The following MTUS2 variants were observed in gnomAD, a reference collection of about 807,000 sequenced individuals.
The protein encoded by MTUS2 is microtubule-associated tumor suppressor candidate 2.
A neutral mutation model predicts 114.1 loss-of-function variants in MTUS2; 40 were observed. That is an observed-to-expected ratio of 0.35 (90% CI 0.27 to 0.46). MTUS2 has a LOEUF of 0.46. MTUS2 is among the 20% of genes least tolerant of loss of function. MTUS2 has a pLI of 1.00. For synonymous variants in MTUS2, 688 were observed against 672.0 expected (o/e 1.02, Z -0.37); for missense variants, 1,679 against 1,705.4 (o/e 0.98, Z 0.27).
At chr13:28,998,815 A>C (rs1885243929) in intron 2 of MTUS2, among the ~76,000 whole-genome samples, 1 of 151,968 alleles carries the variant, frequency 6.6e-6, no homozygotes, top group African/African-American at 2.4e-5. Context: ...AAAGTTTTTA[A>C]CTTCTTTGCC....
chr13:29,421,041 T>C (rs906519542), intron 8 of MTUS2, among the ~76,000 whole-genome samples: 1 of 152,220 alleles, frequency 6.6e-6, no homozygotes, highest in Admixed American at 6.5e-5. Flanking sequence ...AAAACACATA[T>C]GCCATTTCTC....
chr13:29,375,429 A>AAACCGCAATTACTTACTTTTAATGGCAAC (rs71090246), intron 8 of MTUS2, among the ~76,000 whole-genome samples: 1 of 10,542 alleles, frequency 9.5e-5, no homozygotes, highest in Non-Finnish European at 2.9e-4. Context: ...TTAATGGCAA[A>AAACCGCAATTACTTACTTTTAATGGCAAC]AACCGCAATT....
At chr13:29,208,479 G>GT (rs1200187395) in intron 5 of MTUS2, among the ~76,000 whole-genome samples, 49 of 151,428 alleles carry the variant, frequency 3.2e-4, no homozygotes, top group African/African-American at 1.2e-3. Flanking sequence ...ATTTGTGTTT[G>GT]GTTTTTTTTG....
intron 5 of MTUS2, among the ~76,000 whole-genome samples, chr13:29,132,447 C>A (rs989266012): frequency 6.6e-6 from 1 of 152,168 alleles, no homozygotes; most frequent in Non-Finnish European, 1.5e-5. Flanking sequence ...CATTGTTGTG[C>A]AACCATCACC....
At chr13:28,994,114 A>G (rs908271008) in intron 2 of MTUS2, among the ~76,000 whole-genome samples, 3 of 151,908 alleles carry the variant, frequency 2.0e-5, no homozygotes, top group Non-Finnish European at 4.4e-5. Context: ...ATGTGTTCTC[A>G]TTGTTCAATT....
intron 5 of MTUS2, among the ~76,000 whole-genome samples, chr13:29,219,166 C>G (rs71434709): frequency 0.15 from 20,342 of 137,624 alleles, 1,580 homozygotes; most frequent in East Asian, 0.31. Flanking sequence ...TATTCCCCTT[C>G]CTGTGTCCAT....
chr13:29,483,473 G>A (rs556573915), intron 10 of MTUS2, among the ~76,000 whole-genome samples: 3 of 149,448 alleles, frequency 2.0e-5, no homozygotes, highest in Non-Finnish European at 4.4e-5. Flanking sequence ...GAACTGGTTA[G>A]AACACCGCTT....
At chr13:28,868,360 A>G (rs1391874207) in intron 2 of MTUS2, among the ~76,000 whole-genome samples, 1 of 152,190 alleles carries the variant, frequency 6.6e-6, no homozygotes, top group Non-Finnish European at 1.5e-5. Context: ...CAGTGGCAAC[A>G]CTGGTGTTTT....
intron 5 of MTUS2, among the ~76,000 whole-genome samples, chr13:29,109,874 A>T (rs1890813698): frequency 6.6e-6 from 1 of 152,210 alleles, no homozygotes; most frequent in Admixed American, 6.5e-5. Flanking sequence ...GACGACATAT[A>T]TTCTAGTTTT....
At chr13:29,307,646 C>T (rs2139629924) in intron 6 of MTUS2, 4 of 1,142,860 alleles carry the variant, frequency 3.5e-6, no homozygotes, top group Middle Eastern at 5.7e-4. Context: ...AACAGCGACA[C>T]CCACTCTTCC....
Position 29,428,811 on chromosome 13 carries a change from A to C in MTUS2, c.3118-11172A>C, listed in dbSNP as rs181674184. The C allele has an allele frequency of 1.1e-4, 170 of 1,613,540 alleles. No individual in the cohort carries two copies. The East Asian group carries it at 3.0e-3, about 29-fold the overall frequency. On this transcript the variant is annotated intron_variant, in intron 8 of 15. Coordinates refer to ENST00000612955, the MANE Select transcript of MTUS2 (RefSeq NM_001033602.4). ...GAGTTGCCCGCTGACACCTTGAATG[A>C]AGGAGGTCCCCTTGCCAGCCAGCCT...
At chr13:29,219,332 A>T (rs964754168) in intron 5 of MTUS2, among the ~76,000 whole-genome samples, 2 of 149,086 alleles carry the variant, frequency 1.3e-5, no homozygotes, top group Non-Finnish European at 3.0e-5. Context: ...ATAGTATTCC[A>T]TGGTGTATAT....
intron 9 of MTUS2, among the ~76,000 whole-genome samples, chr13:29,463,104 A>G (rs552366236): frequency 3.9e-4 from 60 of 152,204 alleles, no homozygotes; most frequent in African/African-American, 1.4e-3. Context: ...GAGATTTGCT[A>G]ATTTGCAGAT....
At chr13:29,231,544 C>T (rs532274998) in intron 5 of MTUS2, among the ~76,000 whole-genome samples, 35 of 152,306 alleles carry the variant, frequency 2.3e-4, no homozygotes, top group African/African-American at 7.7e-4. Flanking sequence ...GTGTTTCAGG[C>T]TACACTTATA....
chr13:29,238,366 A>G (rs367969480), intron 5 of MTUS2, among the ~76,000 whole-genome samples: 9 of 152,230 alleles, frequency 5.9e-5, no homozygotes, highest in African/African-American at 1.9e-4. Flanking sequence ...AAGTCTCACA[A>G]TAGGCTGTCT....
At chr13:29,230,909 A>T (rs1045389957) in intron 5 of MTUS2, among the ~76,000 whole-genome samples, 1 of 152,178 alleles carries the variant, frequency 6.6e-6, no homozygotes, top group Non-Finnish European at 1.5e-5. Context: ...CAAGTCTTTA[A>T]TCCTTTTTTC....
At chr13:29,490,658 C>T (rs1398822685) in intron 11 of MTUS2, among the ~76,000 whole-genome samples, 6 of 152,260 alleles carry the variant, frequency 3.9e-5, no homozygotes, top group Admixed American at 6.5e-5. Flanking sequence ...GTCTTAACAC[C>T]GAATCTTTGC....
intron 2 of MTUS2, among the ~76,000 whole-genome samples, chr13:28,983,814 T>TACTA (rs1024084849): frequency 6.6e-6 from 1 of 152,246 alleles, no homozygotes; most frequent in African/African-American, 2.4e-5. Flanking sequence ...GTTTAACAAC[T>TACTA]ACTAACACTA....
intron 2 of MTUS2, among the ~76,000 whole-genome samples, chr13:28,954,623 AGTG>A (rs1229623861): frequency 6.6e-6 from 1 of 152,112 alleles, no homozygotes. Flanking sequence ...GCATCATTGA[AGTG>A]GAGCCGTGAA....
Sources: allele counts gnomAD v4.1 joint callset (sites outside exome capture counted in the v4.1 genomes callset), GRCh38; gene constraint gnomAD v4.1.1; transcripts MANE v1.5; gene names NCBI Gene and HGNC (gene_info 2026-07-23, HGNC 2026-07-21).